Variants in LTF observed in about 807,000 individuals in gnomAD.
LTF encodes the protein epididymis luminal protein 110.
A neutral mutation model predicts 87.2 loss-of-function variants in LTF; 91 were observed. That is an observed-to-expected ratio of 1.04 (90% CI 0.88 to 1.24). LTF has a LOEUF of 1.24. LTF is among the 50% of genes most tolerant of loss of function. The pLI is 0.00. For missense variants in LTF, 901 were observed against 904.3 expected (o/e 1.00, Z 0.05); for synonymous variants, 378 against 356.1 (o/e 1.06, Z -0.69).
Position 46,435,809 on chromosome 3 carries a change from AACC to A in LTF, c.*383_*385del. On this transcript the variant is annotated 3_prime_UTR_variant, in exon 17 of 17. Coordinates refer to ENST00000231751, the MANE Select transcript of LTF (RefSeq NM_002343.6). ...CGTGCACTGAGACAGCTATGTGAAT[AACC>A]AACAAGATCCCCTTAGGAAAACCGG... 3.7e-6 allele frequency: 1 copy of A among 271,294 alleles called. No homozygotes were observed. Among genetic ancestry groups the A allele is most frequent in the East Asian group, 1.0e-4 (1 of 9,958 alleles). 16.8% of individuals were successfully genotyped at this position (271,294 alleles called of 1,614,324 possible).
rs1447528057 is a variant in LTF at position 46,447,327 on chromosome 3, A to G, written c.1284T>C (p.Pro428=). Residue 428 remains proline (P), a synonymous_variant, in exon 10 of 17, where the codon CCT becomes CCC. Transcript: ENST00000231751. ...VYTAGKCGLV[P]VLAENYKSQQ... The stretch of plus-strand genomic sequence containing the variant: ...ACTTACTGTAGTTCTCTGCCAGGAC[A>G]GGCACCAAACCACATTTGCCTGCAG... 3 of 1,613,914 alleles carry G rather than the reference A, an allele frequency of 1.9e-6. No homozygotes were observed. Among genetic ancestry groups the G allele is most frequent in the Admixed American group, 1.7e-5 (1 of 60,012 alleles).
chr3:46,447,768 A>G (rs1296592763), intron 9 of LTF, among the ~76,000 whole-genome samples: 2 of 151,908 alleles, frequency 1.3e-5, no homozygotes, highest in African/African-American at 4.8e-5. Flanking sequence ...TTAGCACTCC[A>G]CTCCAAGCGC....
At chr3:46,467,644 CTT>C (rs5848801), upstream of LTF, among the ~76,000 whole-genome samples, 22,360 of 122,878 alleles carry the variant, frequency 0.18, 3,480 homozygotes, top group African/African-American at 0.42. Context: ...CTTTTCTTTT[CTT>C]TTTTTTTTTT....
intron 1 of LTF, among the ~76,000 whole-genome samples, chr3:46,460,275 T>C (rs1242495771): frequency 6.6e-6 from 1 of 152,172 alleles, no homozygotes; most frequent in Non-Finnish European, 1.5e-5. Context: ...CAGCTGAGAA[T>C]CCACGTCTCT....
chr3:46,445,479 AG>A (rs766491661), intron 11 of LTF, 43 bp from the exon 12 acceptor site: 3 of 1,564,284 alleles, frequency 1.9e-6, no homozygotes, highest in Non-Finnish European at 2.6e-6. Context: ...AACCTCCAGG[AG>A]GCCTGGCACA....
intron 12 of LTF, among the ~76,000 whole-genome samples, chr3:46,444,701 G>T (rs1702602041): frequency 6.6e-6 from 1 of 152,338 alleles, no homozygotes; most frequent in Admixed American, 6.5e-5. Context: ...TACAAGAAGG[G>T]AGTCACATTG....
At chr3:46,447,475 GA>G in intron 9 of LTF, 77 bp from the exon 10 acceptor site, 1 of 1,035,292 alleles carries the variant, frequency 9.7e-7, no homozygotes, top group South Asian at 1.3e-5. Flanking sequence ...CTCTCTGAGA[GA>G]ATGGTTTTCT....
chr3:46,468,445 G>A (rs1365481469), upstream of LTF: 5 of 407,314 alleles, frequency 1.2e-5, no homozygotes, highest in East Asian at 2.8e-4. Flanking sequence ...ACAGGCAGAT[G>A]TGTGAGGCTG....
In LTF at chr3:46,450,734, C is replaced by A. The variant is rs1702783690; in HGVS notation, c.704-61G>T. On this transcript the variant is annotated intron_variant, in intron 6 of 16. Coordinates refer to ENST00000231751, the MANE Select transcript of LTF (RefSeq NM_002343.6). The stretch of plus-strand genomic sequence containing the variant: ...AGCCGACTCCAGCAGTAACCTCGAG[C>A]TATAGTTCCCCTTCTCCCTATAGAA... The A allele has an allele frequency of 4.3e-6, 6 of 1,397,628 alleles. No individual in the cohort carries two copies. The Admixed American group carries it at 1.1e-4, about 26-fold the overall frequency. 86.6% of individuals were successfully genotyped at this position (1,397,628 alleles called of 1,614,324 possible). A position where few individuals can be genotyped will look rare whatever the true frequency, so the allele number is the denominator to read the frequency against.
At position 46,457,084 on chromosome 3, in the gene LTF, G is replaced by C. The variant is rs182011943; in HGVS notation, c.208-686C>G. 4.6e-5 allele frequency among the ~76,000 whole-genome samples: 7 copies of C among 152,342 alleles called. No individual in the cohort carries two copies. In the East Asian group the frequency reaches 1.3e-3, roughly 29 times the overall value. ...TAATGCCGCCGCTGATCTGACAGGA[G>C]GTGGAGCTCAGGCAGTCATGCTCAC... On this transcript the variant is annotated intron_variant, in intron 2 of 16. Transcript: ENST00000231751.
intron 1 of LTF, among the ~76,000 whole-genome samples, chr3:46,481,051 G>T (rs1478101634): frequency 6.6e-6 from 1 of 152,194 alleles, no homozygotes; most frequent in Non-Finnish European, 1.5e-5. Context: ...AGCACTCACA[G>T]GCTGTCCCTG....
chr3:46,459,945 T>C (rs1703038794), intron 1 of LTF, 126 bp from the exon 2 acceptor site: 3 of 586,442 alleles, frequency 5.1e-6, no homozygotes, highest in Non-Finnish European at 8.0e-6. Context: ...CTCCATTTCA[T>C]GGCTATGTCC....
chr3:46,454,593 C>T (rs758352650), intron 5 of LTF, among the ~76,000 whole-genome samples: 6 of 152,214 alleles, frequency 3.9e-5, no homozygotes, highest in Non-Finnish European at 8.8e-5. Context: ...GCTAAGAGGA[C>T]AAAACTTTTT....
rs1162862774 is a variant in LTF at position 46,445,291 on chromosome 3, G to A, written c.1503C>T (p.Ser501=). Residue 501 remains serine (S), a synonymous_variant, in exon 12 of 17, where the codon TCC becomes TCT. Coordinates refer to ENST00000231751, the MANE Select transcript of LTF (RefSeq NM_002343.6). ...TTTGGAACTCCTTACCAAATTTGCA[G>A]GAGCCCGTCTGGTTGAAGAGCAGGC... is the stretch of plus-strand genomic sequence containing the variant. ...PMGLLFNQTG[S]CKFDEYFSQS... The A allele has an allele frequency of 1.1e-5, 17 of 1,607,864 alleles. No homozygotes were observed. The highest frequency in any genetic ancestry group is 6.8e-5 in the Admixed American group (4 of 59,066).
At chr3:46,444,480 G>T (rs1191720236) in intron 12 of LTF, among the ~76,000 whole-genome samples, 2 of 152,126 alleles carry the variant, frequency 1.3e-5, no homozygotes, top group African/African-American at 4.8e-5. Context: ...CTGAGCAAAC[G>T]TCACCCATTA....
At chr3:46,474,391 T>C (rs1205342309) in intron 1 of LTF, among the ~76,000 whole-genome samples, 1 of 151,754 alleles carries the variant, frequency 6.6e-6, no homozygotes, top group Non-Finnish European at 1.5e-5. Flanking sequence ...AATGAAAGAG[T>C]CAATACACCT....
At chr3:46,479,793 G>T (rs962076058) in intron 1 of LTF, among the ~76,000 whole-genome samples, 7 of 152,314 alleles carry the variant, frequency 4.6e-5, no homozygotes, top group Admixed American at 1.3e-4. Flanking sequence ...CTCCCAAAAT[G>T]CTGGGATTAC....
upstream of LTF, chr3:46,468,413 C>T: frequency 2.3e-6 from 1 of 438,582 alleles, no homozygotes; most frequent in Non-Finnish European, 4.6e-6. Context: ...AACTGCCATG[C>T]AGTGGCAAGA....
At chr3:46,454,239 A>C (rs1702869505) in intron 6 of LTF, 66 bp downstream of exon 6, 18 of 1,379,992 alleles carry the variant, frequency 1.3e-5, no homozygotes, top group Non-Finnish European at 1.8e-5. Flanking sequence ...ATTAGCTCAA[A>C]GGTCAGAGTC....
Sources: gnomAD v4.1 joint callset for allele counts (sites outside exome capture counted in the v4.1 genomes callset) on GRCh38, gnomAD v4.1.1 for gene constraint, MANE v1.5 for transcripts, NCBI Gene and HGNC (gene_info 2026-07-23, HGNC 2026-07-21) for gene names.